Variants in LINGO2 observed in about 807,000 individuals in gnomAD.
LINGO2 encodes the protein leucine rich repeat and Ig domain containing 2.
Under a neutral mutation model 30.6 loss-of-function variants are expected in LINGO2, and 14 were observed. The ratio of observed to expected loss-of-function variants is 0.46; its 90% CI spans 0.30 to 0.72. The LOEUF (loss-of-function observed/expected upper bound fraction) is 0.72. Among genes scored for constraint, LINGO2 ranks in the 30% least tolerant of loss-of-function variants. The pLI is 0.07. For synonymous variants in LINGO2, 317 were observed against 288.5 expected (o/e 1.10, Z -1.00); for missense variants, 729 against 751.7 (o/e 0.97, Z 0.35).
chr9:28,096,933 G>T (rs1826259952), intron 4 of LINGO2, among the ~76,000 whole-genome samples: 1 of 151,842 alleles, frequency 6.6e-6, no homozygotes, highest in Non-Finnish European at 1.5e-5. Context: ...TGTTCTGTAT[G>T]TACATTAAAG....
intron 1 of LINGO2, among the ~76,000 whole-genome samples, chr9:28,532,920 A>G (rs1229185453): frequency 3.9e-5 from 6 of 152,110 alleles, no homozygotes; most frequent in Non-Finnish European, 8.8e-5. Flanking sequence ...TTCACAAGGC[A>G]ATCCTTTGCA....
At chr9:28,993,321 AG>A in the LINGO2 span, among the ~76,000 whole-genome samples, 4 of 151,924 alleles carry the variant, frequency 2.6e-5, no homozygotes, top group African/African-American at 4.8e-5. Context: ...ACCAGGAAAA[AG>A]TTGAATCTCT....
intron 1 of LINGO2, among the ~76,000 whole-genome samples, chr9:28,517,869 A>AC (rs1211365171): frequency 3.1e-4 from 47 of 152,216 alleles, no homozygotes; most frequent in Non-Finnish European, 5.7e-4. Context: ...CTCAAGGTAC[A>AC]AAGATTCAAA....
At chr9:28,198,425 G>A (rs1587201998) in intron 4 of LINGO2, among the ~76,000 whole-genome samples, 1 of 152,064 alleles carries the variant, frequency 6.6e-6, no homozygotes, top group East Asian at 1.9e-4. Context: ...TGTCAAGGGA[G>A]AATGGCAACA....
At chr9:28,076,021 C>T (rs766608593) in intron 4 of LINGO2, among the ~76,000 whole-genome samples, 2 of 151,854 alleles carry the variant, frequency 1.3e-5, no homozygotes, top group Non-Finnish European at 2.9e-5. Context: ...TTGAATGGCT[C>T]ATCTTCTTCC....
chr9:28,784,422 T>C, the LINGO2 span, among the ~76,000 whole-genome samples: 1 of 152,194 alleles, frequency 6.6e-6, no homozygotes, highest in Admixed American at 6.5e-5. Context: ...AGCTGCTTAC[T>C]AGCTGTGTGA....
chr9:29,182,312 G>A, the LINGO2 span, among the ~76,000 whole-genome samples: 76 of 152,256 alleles, frequency 5.0e-4, no homozygotes, highest in Middle Eastern at 0.02. Context: ...TCATGGATAG[G>A]AACCTGTCCA....
At chr9:28,121,485 CTTG>C (rs1483202736) in intron 4 of LINGO2, among the ~76,000 whole-genome samples, 1 of 151,820 alleles carries the variant, frequency 6.6e-6, no homozygotes, top group East Asian at 1.9e-4. Flanking sequence ...TTTTTTCTTT[CTTG>C]TTGTTGGACT....
intron 4 of LINGO2, among the ~76,000 whole-genome samples, chr9:28,095,404 C>T (rs1368843130): frequency 3.3e-5 from 5 of 151,972 alleles, no homozygotes; most frequent in South Asian, 2.1e-4. Context: ...GAAATAACGC[C>T]GCATATCTAC....
At chr9:28,446,560 T>C (rs1378821047) in intron 2 of LINGO2, among the ~76,000 whole-genome samples, 3 of 152,230 alleles carry the variant, frequency 2.0e-5, no homozygotes, top group African/African-American at 7.2e-5. Context: ...CTAAGTCTTA[T>C]AATTTCTATT....
At chr9:28,640,149 C>T (rs572170816) in intron 1 of LINGO2, among the ~76,000 whole-genome samples, 133 of 152,108 alleles carry the variant, frequency 8.7e-4, no homozygotes, top group African/African-American at 3.1e-3. Flanking sequence ...ACTAGTGGCC[C>T]CCACTCTCTT....
chr9:28,415,533 C>CTCCTATCGGAAGA (rs1314451756), intron 2 of LINGO2, among the ~76,000 whole-genome samples: 10 of 152,262 alleles, frequency 6.6e-5, no homozygotes, highest in African/African-American at 1.9e-4. Context: ...GCTCACTTGG[C>CTCCTATCGGAAGA]TCCTATCTTC....
the LINGO2 span, among the ~76,000 whole-genome samples, chr9:28,701,975 G>A: frequency 2.6e-5 from 4 of 151,846 alleles, no homozygotes; most frequent in African/African-American, 7.2e-5. Context: ...TTTTGTATCC[G>A]AGAAGCTTGG....
At chr9:28,971,527 G>C in the LINGO2 span, among the ~76,000 whole-genome samples, 1 of 152,242 alleles carries the variant, frequency 6.6e-6, no homozygotes, top group African/African-American at 2.4e-5. Flanking sequence ...GCCTATTGTG[G>C]TGGTGGCCAT....
intron 4 of LINGO2, among the ~76,000 whole-genome samples, chr9:28,097,260 C>A (rs1185937468): frequency 6.6e-6 from 1 of 152,078 alleles, no homozygotes; most frequent in African/African-American, 2.4e-5. Flanking sequence ...GTTCAATCAT[C>A]ATGGAAGTCA....
At chr9:28,710,320 C>T in the LINGO2 span, among the ~76,000 whole-genome samples, 1 of 151,814 alleles carries the variant, frequency 6.6e-6, no homozygotes, top group Non-Finnish European at 1.5e-5. Context: ...TTCCCAGCCA[C>T]CATAACTGTG....
At chr9:28,760,959 C>CACACACACACAT in the LINGO2 span, among the ~76,000 whole-genome samples, 33 of 149,272 alleles carry the variant, frequency 2.2e-4, no homozygotes, top group African/African-American at 6.0e-4. Flanking sequence ...CACACACATA[C>CACACACACACAT]ACACACACAC....
At chr9:28,488,555 G>C (rs1587742035) in intron 1 of LINGO2, among the ~76,000 whole-genome samples, 1 of 152,012 alleles carries the variant, frequency 6.6e-6, no homozygotes, top group South Asian at 2.1e-4. Context: ...ATATTAAGCA[G>C]GTTATTTGAC....
intron 3 of LINGO2, among the ~76,000 whole-genome samples, chr9:28,343,378 C>T (rs767419183): frequency 3.3e-5 from 5 of 152,262 alleles, no homozygotes; most frequent in East Asian, 1.9e-4. Context: ...TCATCTCTTC[C>T]GTTTCTTGGA....
Sources: allele counts gnomAD v4.1 joint callset (sites outside exome capture counted in the v4.1 genomes callset), GRCh38; gene constraint gnomAD v4.1.1; transcripts MANE v1.5; gene names NCBI Gene and HGNC (gene_info 2026-07-23, HGNC 2026-07-21).